TMEM74: variants seen among roughly 807,000 people sequenced by gnomAD.
The protein encoded by TMEM74 is transmembrane protein 74.
In TMEM74, 13 loss-of-function variants were observed where a neutral mutation model predicts 18.1. The observed-to-expected ratio is 0.72, with a 90% CI of 0.47 to 1.14. The LOEUF is 1.14. Among genes scored for constraint, TMEM74 ranks in the 50% most tolerant of loss-of-function variants. The probability of loss-of-function intolerance (pLI) is 0.00; values close to 1 mark genes in which losing one functional copy is unlikely to be tolerated. For synonymous variants in TMEM74, 159 were observed against 146.6 expected, an observed-to-expected ratio of 1.08 and a Z score of -0.61; for missense variants, 372 against 375.9, an observed-to-expected ratio of 0.99 and a Z score of 0.09.
chr8:108,749,682 C>T lies in TMEM74; in HGVS notation n.119+37794G>A, dbSNP rs367960351. On this transcript the variant is annotated intron_variant and non_coding_transcript_variant, in intron 1 of 3. Transcript: ENST00000518838. ...TATTCCCTGGCCAGAACTTCCAATA[C>T]TGTGTTGAATAGGAGTGGTGAGAGA... is the stretch of plus-strand genomic sequence containing the variant. 4.2e-4 allele frequency among the ~76,000 whole-genome samples: 64 copies of T among 152,146 alleles called. No homozygotes were observed. The East Asian group carries it at 5.1e-3, about 12-fold the overall frequency.
intron 1 of TMEM74, among the ~76,000 whole-genome samples, chr8:108,709,005 A>G (rs1043502454): frequency 5.3e-5 from 8 of 152,116 alleles, no homozygotes; most frequent in Non-Finnish European, 1.2e-4. Flanking sequence ...ACCTGTTAGG[A>G]TGGCTACTAT....
intron 1 of TMEM74, among the ~76,000 whole-genome samples, chr8:108,657,883 T>TATATATATATTAATTAC (rs1554630308): frequency 9.7e-5 from 11 of 113,796 alleles, no homozygotes; most frequent in African/African-American, 3.5e-4. Flanking sequence ...TATATATATA[T>TATATATATATTAATTAC]ATATATATAT....
chr8:108,670,460 A>T (rs1812993254), intron 1 of TMEM74, among the ~76,000 whole-genome samples: 1 of 152,180 alleles, frequency 6.6e-6, no homozygotes, highest in African/African-American at 2.4e-5. Context: ...TTTGATACTG[A>T]GTCTCCCATA....
At chr8:108,744,835 C>T (rs1192243241) in intron 1 of TMEM74, among the ~76,000 whole-genome samples, 1 of 152,042 alleles carries the variant, frequency 6.6e-6, no homozygotes, top group South Asian at 2.1e-4. Context: ...GTGGAGGAAC[C>T]CTTTGTAGAT....
chr8:108,750,430 G>A (rs939543300), intron 1 of TMEM74, among the ~76,000 whole-genome samples: 9 of 152,108 alleles, frequency 5.9e-5, no homozygotes, highest in Non-Finnish European at 1.2e-4. Context: ...GTTCCAGGTA[G>A]TTAGGCATGA....
At chr8:108,620,269 T>A (rs1202853696) in intron 2 of TMEM74, among the ~76,000 whole-genome samples, 1 of 152,148 alleles carries the variant, frequency 6.6e-6, no homozygotes, top group Non-Finnish European at 1.5e-5. Context: ...AAAGAGATAA[T>A]CATTGAGTAA....
chr8:108,700,917 T>C (rs1813329312), intron 1 of TMEM74, among the ~76,000 whole-genome samples: 1 of 145,808 alleles, frequency 6.9e-6, no homozygotes, highest in South Asian at 2.2e-4. Flanking sequence ...GAGGAGTATC[T>C]GGAACAAGGA....
intron 1 of TMEM74, 63 bp from the exon 2 acceptor site, chr8:108,785,200 G>A (rs933415717): frequency 7.3e-5 from 93 of 1,272,136 alleles, no homozygotes; most frequent in Non-Finnish European, 9.6e-5. Context: ...TTCCAGGAGT[G>A]TTGCTCCTGG....
chr8:108,731,198 G>T (rs1586276549), intron 1 of TMEM74, among the ~76,000 whole-genome samples: 1 of 151,612 alleles, frequency 6.6e-6, no homozygotes, highest in Non-Finnish European at 1.5e-5. Flanking sequence ...TGAGTAAATT[G>T]CTATTTCATG....
Position 108,706,242 on chromosome 8 carries a change from G to T in TMEM74, n.120-50805C>A, listed in dbSNP as rs569350432. On this transcript the variant is annotated intron_variant and non_coding_transcript_variant, in intron 1 of 3. Transcript: ENST00000518838. ...AATATTTCTAATAACTACGTTTTAG[G>T]TTTTATGGTTCCATTTAATTTATAA... is the stretch of plus-strand genomic sequence containing the variant. Among the ~76,000 whole-genome samples the T allele has an allele frequency of 3.3e-5, 5 of 152,284 alleles. No homozygotes were observed. In the South Asian group the frequency reaches 1.0e-3, roughly 32 times the overall value.
chr8:108,761,892 C>A (rs1192212611), intron 1 of TMEM74, among the ~76,000 whole-genome samples: 1 of 151,862 alleles, frequency 6.6e-6, no homozygotes, highest in Non-Finnish European at 1.5e-5. Context: ...TATCAAGTCA[C>A]AACACAAAAC....
At chr8:108,740,677 A>G (rs6985852) in intron 1 of TMEM74, among the ~76,000 whole-genome samples, 58,424 of 151,916 alleles carry the variant, frequency 0.38, 12,775 homozygotes, top group African/African-American at 0.59. Flanking sequence ...TTATTATTAC[A>G]TCTGTTACAG....
chr8:108,636,693 C>T (rs552875571), intron 2 of TMEM74, among the ~76,000 whole-genome samples: 2 of 152,078 alleles, frequency 1.3e-5, no homozygotes, highest in African/African-American at 2.4e-5. Context: ...CTGGACACAA[C>T]CATTGGAGAT....
At chr8:108,612,993 A>G (rs1167136659) in intron 2 of TMEM74, among the ~76,000 whole-genome samples, 2 of 152,184 alleles carry the variant, frequency 1.3e-5, no homozygotes, top group Admixed American at 6.5e-5. Flanking sequence ...CTACCCAGCC[A>G]TTGAAAAACA....
Position 108,781,633 on chromosome 8 carries a change from G to C in TMEM74, c.*2548C>G, listed in dbSNP as rs1437734830. Among the ~76,000 whole-genome samples, 1 of 152,130 alleles carries C rather than the reference G, an allele frequency of 6.6e-6. No homozygotes were observed. Among genetic ancestry groups the C allele is most frequent in the Non-Finnish European group, 1.5e-5 (1 of 68,028 alleles). On this transcript the variant is annotated 3_prime_UTR_variant, in exon 2 of 2. Coordinates refer to ENST00000297459, the MANE Select transcript of TMEM74 (RefSeq NM_153015.3). ...CAGATAAGTAGAACCTTAAAAGAGA[G>C]GTGCTCTATATGTTAGCAGATTTAA...
intron 1 of TMEM74, among the ~76,000 whole-genome samples, chr8:108,665,675 T>A (rs1812942842): frequency 1.3e-5 from 2 of 152,234 alleles, no homozygotes; most frequent in Non-Finnish European, 2.9e-5. Context: ...GTTGTCTAAG[T>A]GTGCAGACTG....
At chr8:108,762,653 C>G (rs1814058646) in intron 1 of TMEM74, among the ~76,000 whole-genome samples, 1 of 152,114 alleles carries the variant, frequency 6.6e-6, no homozygotes, top group South Asian at 2.1e-4. Context: ...TCATATCTCC[C>G]CATCTTTTTC....
intron 1 of TMEM74, among the ~76,000 whole-genome samples, chr8:108,712,172 G>A (rs554879892): frequency 2.6e-5 from 4 of 152,214 alleles, no homozygotes; most frequent in Non-Finnish European, 5.9e-5. Flanking sequence ...GCATGCTTAA[G>A]TTTGAGAACC....
Position 108,784,862 on chromosome 8 carries a change from A to T in TMEM74, c.237T>A (p.Asp79Glu). 1 of 1,614,212 alleles carries T rather than the reference A, an allele frequency of 6.2e-7. No homozygotes were observed. Among genetic ancestry groups the T allele is most frequent in the Admixed American group, 1.7e-5 (1 of 60,020 alleles). The change falls in exon 2 of 2, where the codon GAT becomes GAA. Residue 79 changes from aspartate (D) to glutamate (E), a missense_variant. Transcript: ENST00000297459. ...SSLQNSTLQP[D>E]AFPPGLLHSG... is the part of the protein sequence containing the mutation. ...AGTGGAGAAGTCCTGGTGGAAAGGC[A>T]TCTGGCTGAAGAGTACTGTTTTGCA...
Sources: allele counts gnomAD v4.1 joint callset (sites outside exome capture counted in the v4.1 genomes callset), GRCh38; gene constraint gnomAD v4.1.1; transcripts MANE v1.5; gene names NCBI Gene and HGNC (gene_info 2026-07-23, HGNC 2026-07-21).